Variants in BTRC observed in about 807,000 individuals in gnomAD.
BTRC encodes F-box/WD repeat-containing protein 1A.
BTRC carries 42 observed loss-of-function variants against 85.5 expected under a neutral mutation model. That is an observed-to-expected ratio of 0.49 (90% CI 0.38 to 0.64). The LOEUF is 0.64. BTRC is among the 30% of genes least tolerant of loss of function. The probability of loss-of-function intolerance (pLI) is 0.00; values close to 1 mark genes in which losing one functional copy is unlikely to be tolerated. For missense variants in BTRC, 594 were observed against 743.5 expected (o/e 0.80, Z 2.34); for synonymous variants, 255 against 263.3 (o/e 0.97, Z 0.30).
At chr10:101,493,309 G>A (rs916434636) in intron 4 of BTRC, among the ~76,000 whole-genome samples, 2 of 152,116 alleles carry the variant, frequency 1.3e-5, no homozygotes, top group African/African-American at 4.8e-5. Flanking sequence ...ACCATTACAG[G>A]TATTTATTGA....
At chr10:101,504,431 G>T (rs1047594495) in intron 4 of BTRC, among the ~76,000 whole-genome samples, 1 of 151,148 alleles carries the variant, frequency 6.6e-6, no homozygotes, top group Non-Finnish European at 1.5e-5. Context: ...CATCTCTCCT[G>T]TAGCCATCTC....
At chr10:101,431,095 G>A (rs1331198800) in intron 2 of BTRC, among the ~76,000 whole-genome samples, 1 of 8,900 alleles carries the variant, frequency 1.1e-4, no homozygotes, top group Non-Finnish European at 3.1e-4. Flanking sequence ...TTTTTTTTTT[G>A]AGACGGAGTC....
chr10:101,521,564 A>G (rs896851501), intron 4 of BTRC, 75 bp from the exon 5 acceptor site: 9 of 1,074,890 alleles, frequency 8.4e-6, no homozygotes, highest in Middle Eastern at 2.0e-4. Flanking sequence ...ATAGCATGCC[A>G]TACCAGAAAA....
At chr10:101,508,090 C>A (rs535556433) in intron 4 of BTRC, among the ~76,000 whole-genome samples, 2 of 152,266 alleles carry the variant, frequency 1.3e-5, no homozygotes, top group African/African-American at 4.8e-5. Flanking sequence ...AAATGACTAT[C>A]CTGTCCCTTT....
At chr10:101,521,541 A>G in intron 4 of BTRC, 98 bp from the exon 5 acceptor site, 1 of 845,250 alleles carries the variant, frequency 1.2e-6, no homozygotes, top group South Asian at 1.8e-5. Flanking sequence ...GGGCTCAATC[A>G]TGTAGACATA....
At chr10:101,485,392 G>C (rs1387714472) in intron 4 of BTRC, among the ~76,000 whole-genome samples, 1 of 152,220 alleles carries the variant, frequency 6.6e-6, no homozygotes, top group Non-Finnish European at 1.5e-5. Context: ...TTTTAAGCCT[G>C]AAGTCCAGCC....
intron 1 of BTRC, among the ~76,000 whole-genome samples, chr10:101,407,110 C>T (rs1943648067): frequency 2.0e-5 from 3 of 152,056 alleles, no homozygotes; most frequent in Admixed American, 1.3e-4. Flanking sequence ...GTAATCCCAG[C>T]GTTTTAGGAG....
intron 1 of BTRC, among the ~76,000 whole-genome samples, chr10:101,392,128 C>T (rs957085368): frequency 3.9e-5 from 6 of 152,238 alleles, no homozygotes; most frequent in South Asian, 2.1e-4. Flanking sequence ...TACTGGCGTG[C>T]GCCACCACGC....
chr10:101,532,827 G>GA, intron 8 of BTRC, 125 bp from the exon 9 acceptor site: 1 of 725,546 alleles, frequency 1.4e-6, no homozygotes, highest in Non-Finnish European at 2.3e-6. Flanking sequence ...TATACCTATA[G>GA]AAAATGCATT....
rs151213750 is a variant in BTRC, at chr10:101,405,049, A to G, written c.49-25296A>G. Among the ~76,000 whole-genome samples the G allele has an allele frequency of 6.7e-5, 10 of 149,928 alleles. No homozygotes were observed. The East Asian group carries it at 1.6e-3, about 23-fold the overall frequency. On this transcript the variant is annotated intron_variant, in intron 1 of 14. Coordinates refer to ENST00000370187, the MANE Select transcript of BTRC (RefSeq NM_033637.4). The stretch of plus-strand genomic sequence containing the variant: ...TGCCTTACTGTTTTGGGTTATATCC[A>G]CCCATGTGCAGCTTGGGGGTGAACA...
At chr10:101,361,990 C>T (rs1451599978) in intron 1 of BTRC, among the ~76,000 whole-genome samples, 1 of 152,130 alleles carries the variant, frequency 6.6e-6, no homozygotes, top group Admixed American at 6.6e-5. Flanking sequence ...GAGACGGAGT[C>T]TCACTCTGTC....
chr10:101,504,993 G>A (rs1946482690), intron 4 of BTRC, among the ~76,000 whole-genome samples: 1 of 151,030 alleles, frequency 6.6e-6, no homozygotes, highest in Non-Finnish European at 1.5e-5. Context: ...CCAGGCTGGA[G>A]TGCAGTGGTA....
intron 2 of BTRC, among the ~76,000 whole-genome samples, chr10:101,461,692 A>C (rs963218240): frequency 2.0e-5 from 3 of 152,196 alleles, no homozygotes; most frequent in African/African-American, 7.2e-5. Flanking sequence ...TCCAGTGTCA[A>C]CCTGTGTCAA....
intron 1 of BTRC, among the ~76,000 whole-genome samples, chr10:101,398,556 A>AC (rs1456883845): frequency 1.3e-5 from 2 of 151,558 alleles, no homozygotes; most frequent in Non-Finnish European, 2.9e-5. Flanking sequence ...GCCTGCCTTG[A>AC]CCTCCCAAAG....
Position 101,366,952 on chromosome 10 carries a change from A to ATAAATATATATT in BTRC, c.48+12726_48+12727insAATATATATTTA, listed in dbSNP as rs1942448299. On this transcript the variant is annotated intron_variant, in intron 1 of 14. Transcript: ENST00000370187. Reference sequence around the variant, plus strand: ...TTTATATATATTTATATATATTTATATATATATTTATATAAATATATATTT... The same window carrying ATAAATATATATT: ...TTTATATATATTTATATATATTTATATAAATATATATTTATATATTTATATAAATATATATTT... Among the ~76,000 whole-genome samples the ATAAATATATATT allele has an allele frequency of 7.2e-5, 4 of 55,436 alleles. 1 individual carries two copies. Among genetic ancestry groups the ATAAATATATATT allele is most frequent in the Non-Finnish European group, 1.1e-4 (3 of 26,656 alleles). The allele number at this position is 55,436 out of a possible 152,430, so 36.4% of individuals were successfully genotyped here. A position where few individuals can be genotyped will look rare whatever the true frequency, so the allele number is the denominator to read the frequency against.
rs935013942 is a variant in BTRC at position 101,500,089 on chromosome 10, C to G, written c.324+20632C>G. Among the ~76,000 whole-genome samples the G allele has an allele frequency of 5.3e-5, 8 of 151,172 alleles. No individual in the cohort carries two copies. The Admixed American group carries it at 5.3e-4, about 10-fold the overall frequency. On this transcript the variant is annotated intron_variant, in intron 4 of 14. Transcript: ENST00000370187. Reference sequence around the variant, plus strand: ...GTTGCAGACTTTTCTTGTGGCCCTACTGTGGTTGTGCACTGCTTAATGATG... The same window carrying G: ...GTTGCAGACTTTTCTTGTGGCCCTAGTGTGGTTGTGCACTGCTTAATGATG...
intron 4 of BTRC, among the ~76,000 whole-genome samples, chr10:101,519,352 T>C (rs1225033080): frequency 6.6e-6 from 1 of 152,108 alleles, no homozygotes; most frequent in Admixed American, 6.6e-5. Flanking sequence ...AGTGCTGGGA[T>C]TACAGACATG....
chr10:101,518,203 C>G (rs530044142), intron 4 of BTRC, among the ~76,000 whole-genome samples: 1 of 152,130 alleles, frequency 6.6e-6, no homozygotes, highest in Non-Finnish European at 1.5e-5. Context: ...TGAGCCACCG[C>G]GCCCGGCCGA....
intron 1 of BTRC, among the ~76,000 whole-genome samples, chr10:101,375,709 A>G (rs1026965400): frequency 5.9e-5 from 9 of 152,212 alleles, no homozygotes; most frequent in African/African-American, 2.2e-4. Context: ...ATTAGTGTCT[A>G]TTGTAATAGT....
Sources: allele counts gnomAD v4.1 joint callset (sites outside exome capture counted in the v4.1 genomes callset), GRCh38; gene constraint gnomAD v4.1.1; transcripts MANE v1.5; gene names NCBI Gene and HGNC (gene_info 2026-07-23, HGNC 2026-07-21).